The following ZBTB37 variants were observed in gnomAD, a reference collection of about 807,000 sequenced individuals.
ZBTB37 encodes the protein zinc finger and BTB domain-containing protein 37.
ZBTB37 carries 15 observed loss-of-function variants against 37.7 expected under a neutral mutation model. The observed-to-expected ratio is 0.40, with a 90% confidence interval of 0.27 to 0.61. ZBTB37 has a LOEUF of 0.61. Ranked by LOEUF, ZBTB37 falls within the 20% of genes least tolerant of loss-of-function variation. ZBTB37 has a pLI of 0.44. For synonymous variants in ZBTB37, 231 were observed against 220.6 expected, an observed-to-expected ratio of 1.05 and a Z score of -0.42; for missense variants, 514 against 641.9, an observed-to-expected ratio of 0.80 and a Z score of 2.15.
At chr1:173,893,578 AG>A (rs1432616033) in exon 4 of ZBTB37, 1 of 152,264 alleles carries the variant, frequency 6.6e-6, no homozygotes, top group Non-Finnish European at 1.5e-5. Flanking sequence ...AAGATCAAAA[AG>A]GGGACAGAAT....
At chr1:173,895,080 G>A (rs1316192815) in exon 4 of ZBTB37, 2 of 152,154 alleles carry the variant, frequency 1.3e-5, no homozygotes, top group Non-Finnish European at 2.9e-5. Flanking sequence ...ATACTCTAGA[G>A]GGAGTAAAAA....
chr1:173,874,255 CAAAAA>C (rs1285477473), intron 4 of ZBTB37, among the ~76,000 whole-genome samples: 3 of 46,772 alleles, frequency 6.4e-5, no homozygotes, highest in Admixed American at 2.3e-4. Context: ...AACTCCGTCT[CAAAAA>C]AAAAAAAAAA....
chr1:173,892,827 C>T (rs1428553287), exon 4 of ZBTB37: 2 of 152,170 alleles, frequency 1.3e-5, no homozygotes, highest in African/African-American at 2.4e-5. Flanking sequence ...AAAAACTTGT[C>T]TATTGCCTGC....
upstream of ZBTB37, chr1:173,868,282 AGG>A (rs998244934): frequency 1.3e-5 from 2 of 152,658 alleles, no homozygotes; most frequent in Non-Finnish European, 2.9e-5. Flanking sequence ...GGATGGGGGA[AGG>A]GGGGGCGGTG....
exon 4 of ZBTB37, chr1:173,902,830 A>AT (rs1321585309): frequency 6.6e-6 from 1 of 152,156 alleles, no homozygotes; most frequent in East Asian, 1.9e-4. Flanking sequence ...AATGAACCAA[A>AT]TTTCTTAATG....
chr1:173,875,166 G>A (rs982504267), intron 4 of ZBTB37, among the ~76,000 whole-genome samples: 3 of 145,004 alleles, frequency 2.1e-5, no homozygotes, highest in African/African-American at 8.0e-5. Context: ...GTGTGCACGT[G>A]TGTACTGTAT....
chr1:173,871,080 A>AC lies in ZBTB37; in HGVS notation c.856dup (p.Gln286ProfsTer20). 1 of 1,614,110 alleles carries AC rather than the reference A, an allele frequency of 6.2e-7. No individual in the cohort carries two copies. Among genetic ancestry groups the AC allele is most frequent in the Non-Finnish European group, 8.5e-7 (1 of 1,180,012 alleles). ...ATACCACAGGCCATGGTTCTGTAGG[A>AC]CAGGAAAATTATACTTTAGGGTCTT... is the stretch of plus-strand genomic sequence containing the variant. On this transcript the variant is annotated frameshift_variant, in exon 3 of 5. Coordinates refer to ENST00000427304, the Ensembl canonical transcript of ZBTB37. LOFTEE classifies it high-confidence loss of function.
chr1:173,885,499 G>C (rs1356691231), intron 4 of ZBTB37, 137 bp from the exon 5 acceptor site: 16 of 719,560 alleles, frequency 2.2e-5, no homozygotes, highest in Non-Finnish European at 3.1e-5. Flanking sequence ...TTTACTTTTT[G>C]GTAATAATTT....
exon 4 of ZBTB37, chr1:173,895,797 A>T (rs560932467): frequency 6.6e-6 from 1 of 152,304 alleles, no homozygotes; most frequent in East Asian, 1.9e-4. Context: ...GATGTGTCAG[A>T]TTTAGGATGC....
At chr1:173,874,358 G>T (rs1180120888) in intron 4 of ZBTB37, among the ~76,000 whole-genome samples, 1 of 146,290 alleles carries the variant, frequency 6.8e-6, no homozygotes, top group Non-Finnish European at 1.5e-5. Context: ...TTTTTGAGAC[G>T]GAGTCTCGAG....
chr1:173,882,564 C>T (rs1656393727), intron 4 of ZBTB37, among the ~76,000 whole-genome samples: 1 of 152,092 alleles, frequency 6.6e-6, no homozygotes. Context: ...TTTTGCTGTG[C>T]AGAAGCTCTT....
intron 3 of ZBTB37, among the ~76,000 whole-genome samples, chr1:173,871,977 T>TA (rs1469521745): frequency 6.6e-6 from 1 of 152,230 alleles, no homozygotes; most frequent in African/African-American, 2.4e-5. Flanking sequence ...CAAAGAAAAC[T>TA]AAAAAACTAT....
At chr1:173,883,127 A>G (rs1656428167) in intron 4 of ZBTB37, among the ~76,000 whole-genome samples, 2 of 152,214 alleles carry the variant, frequency 1.3e-5, no homozygotes, top group South Asian at 2.1e-4. Flanking sequence ...TTATGCATTC[A>G]TCGCATAATA....
intron 4 of ZBTB37, among the ~76,000 whole-genome samples, chr1:173,875,798 A>T (rs1655933482): frequency 6.6e-6 from 1 of 151,830 alleles, no homozygotes; most frequent in Non-Finnish European, 1.5e-5. Flanking sequence ...GGAACCACAG[A>T]TGCGCACTAC....
intron 4 of ZBTB37, among the ~76,000 whole-genome samples, chr1:173,876,825 T>G (rs777633754): frequency 1.3e-5 from 2 of 152,152 alleles, no homozygotes; most frequent in African/African-American, 2.4e-5. Context: ...TGAGCAGATA[T>G]AGGCGTGTGT....
exon 4 of ZBTB37, chr1:173,899,360 A>G (rs1657173652): frequency 6.6e-6 from 1 of 152,192 alleles, no homozygotes; most frequent in Non-Finnish European, 1.5e-5. Flanking sequence ...GCTATAACAC[A>G]TACTTAAGGT....
intron 3 of ZBTB37, 24 bp from the exon 4 acceptor site, chr1:173,873,443 C>T (rs751840920): frequency 6.4e-7 from 1 of 1,572,568 alleles, no homozygotes; most frequent in Non-Finnish European, 8.6e-7. Context: ...TGTATTAGTC[C>T]CCTTTATGTT....
At chr1:173,870,671 C>T (rs933882028) in exon 3 of ZBTB37, 1 of 1,614,052 alleles carries the variant, frequency 6.2e-7, no homozygotes, top group African/African-American at 1.3e-5. Context: ...CAAGAGAGAC[C>T]TCCAGAGTCT....
rs538399571 is a variant in ZBTB37, at chr1:173,883,449, C to T, written c.1024-2187C>T. On this transcript the variant is annotated intron_variant, in intron 4 of 4. Coordinates refer to ENST00000427304, the Ensembl canonical transcript of ZBTB37. ...AGCCGAGATTGCACTCCAGCCTGGG[C>T]AAAAAGAGCGAAACTCCGTCTCAAA... Among the ~76,000 whole-genome samples, 4 of 152,046 alleles carry T rather than the reference C, an allele frequency of 2.6e-5. No homozygotes were observed. The South Asian group carries it at 6.2e-4, about 24-fold the overall frequency.
Sources: gnomAD v4.1 joint callset for allele counts (sites outside exome capture counted in the v4.1 genomes callset) on GRCh38, gnomAD v4.1.1 for gene constraint, MANE v1.5 for transcripts, NCBI Gene and HGNC (gene_info 2026-07-23, HGNC 2026-07-21) for gene names.